The following FBXL18 variants were observed in gnomAD, a reference collection of about 807,000 sequenced individuals.
FBXL18 encodes F-box and leucine rich repeat protein 18, also known as F-box/LRR-repeat protein 18.
FBXL18 carries 36 observed loss-of-function variants against 46.0 expected under a neutral mutation model. The ratio of observed to expected loss-of-function variants is 0.78; its 90% CI spans 0.60 to 1.03. FBXL18 has a LOEUF of 1.03. Among genes scored for constraint, FBXL18 ranks in the 50% least tolerant of loss-of-function variants. The pLI is 0.00. For synonymous variants in FBXL18, 557 were observed against 465.3 expected (o/e 1.20, Z -2.54); for missense variants, 977 against 1,004.1 (o/e 0.97, Z 0.36).
At chr7:5,467,929 T>G (rs1413938252) in intron 4 of FBXL18, among the ~76,000 whole-genome samples, 1 of 151,760 alleles carries the variant, frequency 6.6e-6, no homozygotes, top group African/African-American at 2.4e-5. Context: ...GAGGCTGCAC[T>G]GCGTGTGTGA....
At chr7:5,462,969 A>AAT (rs1405287211) in intron 4 of FBXL18, among the ~76,000 whole-genome samples, 3 of 15,664 alleles carry the variant, frequency 1.9e-4, no homozygotes, top group African/African-American at 5.7e-4. Flanking sequence ...AAAAAAAAAA[A>AAT]ATATATATAT....
chr7:5,502,720 A>C (rs976692367), intron 2 of FBXL18, among the ~76,000 whole-genome samples: 1 of 151,168 alleles, frequency 6.6e-6, no homozygotes, highest in African/African-American at 2.4e-5. Flanking sequence ...AAGCCAAGCT[A>C]CTGGGGAGGA....
intron 4 of FBXL18, among the ~76,000 whole-genome samples, chr7:5,484,205 C>T (rs541829488): frequency 2.3e-4 from 35 of 152,148 alleles, no homozygotes; most frequent in African/African-American, 7.7e-4. Context: ...TGGTGGCTCA[C>T]GCCTGTAATC....
At chr7:5,470,663 C>T (rs985020751) in intron 4 of FBXL18, among the ~76,000 whole-genome samples, 2 of 151,828 alleles carry the variant, frequency 1.3e-5, no homozygotes, top group African/African-American at 2.4e-5. Context: ...AGAGGCTTCT[C>T]CGACCCCCGG....
intron 1 of FBXL18, among the ~76,000 whole-genome samples, chr7:5,506,416 G>C (rs538387952): frequency 1.3e-5 from 2 of 151,830 alleles, no homozygotes; most frequent in East Asian, 3.9e-4. Context: ...GCCCACGCCC[G>C]GCTAATTTTT....
intron 4 of FBXL18, among the ~76,000 whole-genome samples, chr7:5,485,028 C>T (rs1324778826): frequency 6.6e-6 from 1 of 152,144 alleles, no homozygotes; most frequent in East Asian, 1.9e-4. Context: ...ACAATCCTCC[C>T]CCCTTGGCCT....
chr7:5,473,049 C>G (rs776858792), downstream of FBXL18, among the ~76,000 whole-genome samples: 3 of 152,108 alleles, frequency 2.0e-5, no homozygotes, highest in Non-Finnish European at 4.4e-5. Context: ...CACAGAGTAT[C>G]AGCCCCCACC....
chr7:5,464,930 G>T (rs957028315), intron 4 of FBXL18, among the ~76,000 whole-genome samples: 14 of 151,798 alleles, frequency 9.2e-5, no homozygotes, highest in African/African-American at 3.4e-4. Context: ...GGTTGTGGTG[G>T]TGCGCGCCTG....
At chr7:5,474,909 C>T (rs1441339292), downstream of FBXL18, among the ~76,000 whole-genome samples, 1 of 149,502 alleles carries the variant, frequency 6.7e-6, no homozygotes, top group Non-Finnish European at 1.5e-5. Flanking sequence ...GGGGTTTCAC[C>T]GTGTTCGCCA....
At chr7:5,508,485 T>C (rs1784449753) in intron 1 of FBXL18, among the ~76,000 whole-genome samples, 1 of 150,124 alleles carries the variant, frequency 6.7e-6, no homozygotes, top group Non-Finnish European at 1.5e-5. Context: ...GGCATGTGCC[T>C]GTTGTCCCAG....
intron 4 of FBXL18, chr7:5,489,725 G>A (rs1783866893): frequency 4.3e-6 from 1 of 230,550 alleles, no homozygotes; most frequent in Admixed American, 5.2e-5. Flanking sequence ...CTTGCAGCGA[G>A]CCGAGATCAC....
chr7:5,462,742 G>A (rs748280977), intron 4 of FBXL18, among the ~76,000 whole-genome samples: 1 of 151,344 alleles, frequency 6.6e-6, no homozygotes, highest in African/African-American at 2.4e-5. Context: ...ACGAGGTCAG[G>A]AGATTCAGAC....
At chr7:5,471,548 C>A (rs917672973), downstream of FBXL18, among the ~76,000 whole-genome samples, 1 of 151,640 alleles carries the variant, frequency 6.6e-6, no homozygotes, top group African/African-American at 2.4e-5. Context: ...AGTGCTGGGA[C>A]TACAGGAGCC....
rs1784206515 is a variant in FBXL18, at chr7:5,500,512, T to G, written c.1757A>C (p.His586Pro). Residue 586 changes from histidine (H) to proline (P), a missense_variant, in exon 3 of 5, where the codon CAC (histidine) becomes CCC (proline). By Grantham distance (77) the His-to-Pro change is moderately conservative (BLOSUM62 -2). Transcript: ENST00000382368. The stretch of plus-strand genomic sequence containing the variant: ...CCTGAGGTCCCTCAGCCGCTTGCAG[T>G]GCTTCAACATGTCTGAGAGCGCGGG... ...YMPALSDMLK[H>P]CKRLRDLRLE... 2 of 1,608,314 alleles carry G rather than the reference T, an allele frequency of 1.2e-6. No homozygotes were observed. The highest frequency in any genetic ancestry group is 1.7e-6 in the Non-Finnish European group (2 of 1,176,324).
At chr7:5,493,716 T>C (rs1361645278) in intron 3 of FBXL18, among the ~76,000 whole-genome samples, 2 of 150,336 alleles carry the variant, frequency 1.3e-5, no homozygotes. Flanking sequence ...GGTCTCACTA[T>C]GTTGCCCAGG....
chr7:5,510,061 G>T (rs1372913389), intron 1 of FBXL18, among the ~76,000 whole-genome samples: 1 of 152,084 alleles, frequency 6.6e-6, no homozygotes, highest in African/African-American at 2.4e-5. Context: ...CAGCACTTTG[G>T]GAGGCTGAGG....
At chr7:5,473,648 C>A (rs978397741), downstream of FBXL18, among the ~76,000 whole-genome samples, 2 of 151,088 alleles carry the variant, frequency 1.3e-5, no homozygotes, top group Non-Finnish European at 2.9e-5. Context: ...TCTTACCCAG[C>A]TACTCAGGAG....
rs2128236607 is a variant in FBXL18, at chr7:5,496,583, A to G, written c.1781+3905T>C. On this transcript the variant is annotated intron_variant, in intron 3 of 4. Transcript: ENST00000382368. This position sits in a 1 kb window ranked among gnomAD's most constrained non-coding sequence, Gnocchi z 4.8. ...TTAGGCCCATCAACTAGGAGGCCAC[A>G]CTTAACAGACTCTCCGGACCGGGCA... Among the ~76,000 whole-genome samples, 1 of 152,318 alleles carries G rather than the reference A, an allele frequency of 6.6e-6. No individual in the cohort carries two copies. Among genetic ancestry groups the G allele is most frequent in the South Asian group, 2.1e-4 (1 of 4,826 alleles).
intron 4 of FBXL18, among the ~76,000 whole-genome samples, chr7:5,466,741 C>T (rs559359746): frequency 4.1e-4 from 62 of 152,304 alleles, no homozygotes; most frequent in African/African-American, 7.5e-4. Flanking sequence ...CGTGCCACGA[C>T]CCAGCCAAGG....
Sources: gnomAD v4.1 joint callset for allele counts (sites outside exome capture counted in the v4.1 genomes callset) on GRCh38, gnomAD v4.1.1 for gene constraint, Gnocchi (gnomAD v3.1) non-coding constraint, MANE v1.5 for transcripts, NCBI Gene and HGNC (gene_info 2026-07-23, HGNC 2026-07-21) for gene names.